The following KCNQ5 variants were observed in gnomAD, a reference collection of about 807,000 sequenced individuals.
KCNQ5 encodes the protein potassium voltage-gated channel subfamily Q member 5.
Under a neutral mutation model 98.2 loss-of-function variants are expected in KCNQ5, and 30 were observed. The ratio of observed to expected loss-of-function variants is 0.31; its 90% CI spans 0.23 to 0.41. KCNQ5 has a LOEUF of 0.41. Among genes scored for constraint, KCNQ5 ranks in the 10% least tolerant of loss-of-function variants. KCNQ5 has a pLI of 1.00. For synonymous variants in KCNQ5, 458 were observed against 449.4 expected (o/e 1.02, Z -0.24); for missense variants, 835 against 1,182.5 (o/e 0.71, Z 4.31).
intron 1 of KCNQ5, among the ~76,000 whole-genome samples, chr6:72,745,419 C>G (rs1771336068): frequency 6.6e-6 from 1 of 152,188 alleles, no homozygotes; most frequent in African/African-American, 2.4e-5. Context: ...TTTCTAGGAG[C>G]CACATCCAAT....
intron 3 of KCNQ5, among the ~76,000 whole-genome samples, chr6:73,062,856 A>G (rs989070214): frequency 6.6e-6 from 1 of 152,092 alleles, no homozygotes; most frequent in African/African-American, 2.4e-5. Flanking sequence ...TGTTTTAAAT[A>G]TTTGATTTTA....
At chr6:72,950,044 G>A (rs944971723) in intron 1 of KCNQ5, among the ~76,000 whole-genome samples, 1 of 151,786 alleles carries the variant, frequency 6.6e-6, no homozygotes, top group Non-Finnish European at 1.5e-5. Context: ...AATTGCTTTT[G>A]TTCCTTCAGG....
intron 3 of KCNQ5, among the ~76,000 whole-genome samples, chr6:73,064,024 C>T (rs1165920767): frequency 6.6e-6 from 1 of 152,058 alleles, no homozygotes; most frequent in Non-Finnish European, 1.5e-5. Flanking sequence ...CCAGGTAATT[C>T]TAAATTTTCC....
At position 73,150,007 on chromosome 6, in the gene KCNQ5, GAAAA is replaced by G. The variant is rs60083203; in HGVS notation, c.1468+16376_1468+16379del. ...AAAGAACCCTCAAAACACCACAGGG[GAAAA>G]AAAAAAAAACACCAGTTGAATAAGA... On this transcript the variant is annotated intron_variant, in intron 10 of 13. Coordinates refer to ENST00000370398, the MANE Select transcript of KCNQ5 (RefSeq NM_019842.4). Among the ~76,000 whole-genome samples, 584 of 135,474 alleles carry G rather than the reference GAAAA, an allele frequency of 4.3e-3. 4 individuals carry two copies. Among genetic ancestry groups the G allele is most frequent in the African/African-American group, 0.014 (562 of 39,362 alleles). 88.9% of individuals were successfully genotyped at this position (135,474 alleles called of 152,430 possible).
chr6:72,696,243 A>G (rs908261699), intron 1 of KCNQ5, among the ~76,000 whole-genome samples: 6 of 152,238 alleles, frequency 3.9e-5, no homozygotes, highest in African/African-American at 9.6e-5. Flanking sequence ...AACATGGGCA[A>G]ACAGTGGAAT....
chr6:73,169,657 T>C, intron 10 of KCNQ5, 89 bp from the exon 11 acceptor site: 2 of 880,930 alleles, frequency 2.3e-6, no homozygotes, highest in Non-Finnish European at 3.9e-6. Flanking sequence ...ACTCTGTGAG[T>C]ATCCCGCCAT....
intron 1 of KCNQ5, among the ~76,000 whole-genome samples, chr6:72,744,735 C>T (rs375271829): frequency 1.5e-4 from 23 of 151,616 alleles, no homozygotes; most frequent in African/African-American, 4.1e-4. Context: ...CACTTGAACC[C>T]GGGAGGCAGA....
intron 1 of KCNQ5, among the ~76,000 whole-genome samples, chr6:72,698,255 T>G (rs193015214): frequency 3.4e-4 from 51 of 152,158 alleles, no homozygotes; most frequent in Non-Finnish European, 6.9e-4. Context: ...CAGGTTGGAG[T>G]GCAATGGCGT....
chr6:72,742,489 G>A lies in KCNQ5; in HGVS notation c.398+119902G>A, dbSNP rs563919968. On this transcript the variant is annotated intron_variant, in intron 1 of 13. Coordinates refer to ENST00000370398, the MANE Select transcript of KCNQ5 (RefSeq NM_019842.4). ...CTCCAGGAGATCAGTTTTCTTCTCA[G>A]CATCTGATATAAATAACCACAGTTC... 3.1e-4 allele frequency among the ~76,000 whole-genome samples: 47 copies of A among 152,124 alleles called. No homozygotes were observed. In the South Asian group the frequency reaches 8.3e-3, roughly 27 times the overall value.
chr6:72,654,957 C>T (rs1432243127), intron 1 of KCNQ5, among the ~76,000 whole-genome samples: 1 of 151,886 alleles, frequency 6.6e-6, no homozygotes, highest in Non-Finnish European at 1.5e-5. Flanking sequence ...ATGTAGTAAA[C>T]CAGACATATT....
intron 1 of KCNQ5, among the ~76,000 whole-genome samples, chr6:72,959,372 G>A (rs977833712): frequency 2.0e-5 from 3 of 152,166 alleles, no homozygotes; most frequent in Non-Finnish European, 2.9e-5. Context: ...GAGAATGGTT[G>A]CTAGAATTAA....
intron 10 of KCNQ5, among the ~76,000 whole-genome samples, chr6:73,138,711 T>C (rs1264996734): frequency 1.3e-5 from 2 of 152,180 alleles, no homozygotes; most frequent in Non-Finnish European, 2.9e-5. Flanking sequence ...CAGGTGTTTA[T>C]GGGAAAAACT....
chr6:72,995,446 C>T (rs1769251180), intron 1 of KCNQ5, among the ~76,000 whole-genome samples: 1 of 150,804 alleles, frequency 6.6e-6, no homozygotes, highest in Non-Finnish European at 1.5e-5. Context: ...AAAAAAATTA[C>T]ATTAAATAAT....
intron 10 of KCNQ5, among the ~76,000 whole-genome samples, chr6:73,142,537 G>A (rs1203783176): frequency 1.3e-5 from 2 of 151,302 alleles, no homozygotes; most frequent in Admixed American, 6.6e-5. Flanking sequence ...CTATAGCTAC[G>A]CAATTATATT....
intron 1 of KCNQ5, among the ~76,000 whole-genome samples, chr6:72,825,573 A>T (rs1405691637): frequency 6.6e-6 from 1 of 152,140 alleles, no homozygotes; most frequent in Non-Finnish European, 1.5e-5. Context: ...GAGAAGTCTT[A>T]TTTGCAAGAG....
Position 73,145,598 on chromosome 6 carries a change from AT to A in KCNQ5, c.1468+11965del, listed in dbSNP as rs962659097. Among the ~76,000 whole-genome samples, 11 of 152,044 alleles carry A rather than the reference AT, an allele frequency of 7.2e-5. No individual in the cohort carries two copies. In the East Asian group the frequency reaches 1.5e-3, roughly 21 times the overall value. On this transcript the variant is annotated intron_variant, in intron 10 of 13. Coordinates refer to ENST00000370398, the MANE Select transcript of KCNQ5 (RefSeq NM_019842.4). ...ATTAAGGTATGCAACAGTAATTTCC[AT>A]TTTTTTTAAACAATGCTTATGTTAC...
At chr6:73,045,283 CTATT>C (rs1021397009) in intron 3 of KCNQ5, among the ~76,000 whole-genome samples, 1 of 152,072 alleles carries the variant, frequency 6.6e-6, no homozygotes, top group Non-Finnish European at 1.5e-5. Flanking sequence ...AGAAATAAAT[CTATT>C]TAACTTTTTT....
At chr6:72,981,539 C>T (rs1582132523) in intron 1 of KCNQ5, among the ~76,000 whole-genome samples, 1 of 151,550 alleles carries the variant, frequency 6.6e-6, no homozygotes, top group East Asian at 1.9e-4. Flanking sequence ...CTATTTGATT[C>T]TTCTCTCTTC....
At chr6:72,785,039 G>GC (rs1160803613) in intron 1 of KCNQ5, among the ~76,000 whole-genome samples, 54 of 152,314 alleles carry the variant, frequency 3.5e-4, no homozygotes, top group African/African-American at 1.2e-3. Flanking sequence ...AGCAACATCA[G>GC]CCAATAAAGG....
Sources: gnomAD v4.1 joint callset for allele counts (sites outside exome capture counted in the v4.1 genomes callset) on GRCh38, gnomAD v4.1.1 for gene constraint, MANE v1.5 for transcripts, NCBI Gene and HGNC (gene_info 2026-07-23, HGNC 2026-07-21) for gene names.